TM7SF3: variants seen among roughly 807,000 people sequenced by gnomAD.
TM7SF3 encodes the protein transmembrane 7 superfamily member 3, also known as seven span transmembrane protein.
In TM7SF3, 60 loss-of-function variants were observed where a neutral mutation model predicts 65.5. The ratio of observed to expected loss-of-function variants is 0.92; its 90% CI spans 0.74 to 1.14. TM7SF3 has a LOEUF of 1.14. Among genes scored for constraint, TM7SF3 ranks in the 50% most tolerant of loss-of-function variants. TM7SF3 has a pLI of 0.00. For missense variants in TM7SF3, 623 were observed against 684.8 expected (o/e 0.91, Z 1.01); for synonymous variants, 264 against 259.6 (o/e 1.02, Z -0.16).
At chr12:26,999,747 G>T in intron 2 of TM7SF3, 71 bp from the exon 3 acceptor site, 1 of 1,481,216 alleles carries the variant, frequency 6.8e-7, no homozygotes, top group Non-Finnish European at 9.2e-7. Context: ...CTGATCCAGT[G>T]TGCATGTCCT....
rs141460177 is a variant in TM7SF3, at chr12:26,996,026, A to T, written c.519-618T>A. 3.3e-3 allele frequency among the ~76,000 whole-genome samples: 495 copies of T among 152,224 alleles called. 2 individuals carry two copies. The highest frequency in any genetic ancestry group is 5.8e-3 in the Non-Finnish European group (395 of 67,984). On this transcript the variant is annotated intron_variant, in intron 4 of 11. Transcript: ENST00000343028. ...TGGGGAGGCAAAAAAATTTTTTTTA[A>T]AAAAAAGCTGGGTGCAGTGGCTTAT...
intron 1 of TM7SF3, among the ~76,000 whole-genome samples, chr12:27,012,267 T>C (rs1231614788): frequency 6.6e-6 from 1 of 152,084 alleles, no homozygotes; most frequent in African/African-American, 2.4e-5. Flanking sequence ...GATCATTACA[T>C]TGTAGGGTGG....
At chr12:26,985,806 G>GTTTTTTTTTTTTT (rs149988617) in intron 6 of TM7SF3, among the ~76,000 whole-genome samples, 1 of 52,818 alleles carries the variant, frequency 1.9e-5, no homozygotes, top group Non-Finnish European at 3.1e-5. Flanking sequence ...TTTCTTTTTC[G>GTTTTTTTTTTTTT]TTTTTTTTTT....
intron 8 of TM7SF3, 43 bp from the exon 9 acceptor site, chr12:26,979,979 C>T: frequency 6.2e-7 from 1 of 1,611,842 alleles, no homozygotes; most frequent in Non-Finnish European, 8.5e-7. Context: ...ACCGGCAGTA[C>T]TTCCAACCGC....
At chr12:27,002,544 A>G (rs1940874336) in intron 2 of TM7SF3, among the ~76,000 whole-genome samples, 1 of 152,256 alleles carries the variant, frequency 6.6e-6, no homozygotes, top group Non-Finnish European at 1.5e-5. Flanking sequence ...AAAAAGAAGT[A>G]TAACTTCATA....
intron 1 of TM7SF3, among the ~76,000 whole-genome samples, chr12:27,006,802 A>G (rs1275550227): frequency 6.6e-6 from 1 of 152,248 alleles, no homozygotes; most frequent in African/African-American, 2.4e-5. Context: ...TACCATTTTA[A>G]AAGCTACAGA....
chr12:26,997,543 T>C (rs1168678368), intron 3 of TM7SF3, among the ~76,000 whole-genome samples: 1 of 152,202 alleles, frequency 6.6e-6, no homozygotes, highest in East Asian at 1.9e-4. Flanking sequence ...TGGTTTCTTA[T>C]CAGGTAATTA....
At chr12:27,006,390 G>T (rs1466039403) in intron 1 of TM7SF3, among the ~76,000 whole-genome samples, 1 of 151,742 alleles carries the variant, frequency 6.6e-6, no homozygotes, top group East Asian at 1.9e-4. Context: ...GCCCACCTGG[G>T]CCTCCCAAAG....
intron 9 of TM7SF3, among the ~76,000 whole-genome samples, chr12:26,976,651 G>A (rs1290102673): frequency 6.6e-6 from 1 of 152,190 alleles, no homozygotes; most frequent in Non-Finnish European, 1.5e-5. Context: ...CACTAGCTCT[G>A]TGAACTTGAG....
rs770209171 is a variant in TM7SF3 at position 26,984,477 on chromosome 12, C to T, written c.869-1618G>A. ...AAAAAAAAAACCCAGAAAGATTAAA[C>T]GAAAGATAAAAACACCACATTGTTT... On this transcript the variant is annotated intron_variant, in intron 6 of 11. Transcript: ENST00000343028. 2.2e-4 allele frequency among the ~76,000 whole-genome samples: 32 copies of T among 148,720 alleles called. No individual in the cohort carries two copies. The East Asian group carries it at 2.2e-3, about 10-fold the overall frequency.
At chr12:27,008,431 G>A (rs1941122686) in intron 1 of TM7SF3, among the ~76,000 whole-genome samples, 1 of 152,102 alleles carries the variant, frequency 6.6e-6, no homozygotes, top group Non-Finnish European at 1.5e-5. Flanking sequence ...ATAGATATGA[G>A]TATTCTGACA....
At chr12:26,979,708 T>G in intron 9 of TM7SF3, 76 bp downstream of exon 9, 1 of 1,523,740 alleles carries the variant, frequency 6.6e-7, no homozygotes, top group South Asian at 1.2e-5. Context: ...GCAACACCAC[T>G]CCAGGATGCA....
chr12:27,003,149 A>C, intron 2 of TM7SF3, 87 bp downstream of exon 2: 13 of 889,156 alleles, frequency 1.5e-5, no homozygotes, highest in Non-Finnish European at 1.9e-5. Context: ...TAAAAGAGAT[A>C]GAGATATCAA....
chr12:27,012,407 C>G (rs1265217471), intron 1 of TM7SF3, among the ~76,000 whole-genome samples: 2 of 152,124 alleles, frequency 1.3e-5, no homozygotes, highest in African/African-American at 4.8e-5. Context: ...GGCCTCAGTC[C>G]TATATACAAA....
At chr12:27,013,934 G>A (rs1466828789) in intron 1 of TM7SF3, 144 bp downstream of exon 1, 3 of 730,148 alleles carry the variant, frequency 4.1e-6, no homozygotes, top group Non-Finnish European at 7.5e-6. Flanking sequence ...CACCATTCGT[G>A]CCGGTTCTGG....
intron 1 of TM7SF3, among the ~76,000 whole-genome samples, chr12:27,010,371 G>C (rs913849074): frequency 1.3e-5 from 2 of 152,140 alleles, no homozygotes; most frequent in Non-Finnish European, 2.9e-5. Context: ...ACATGTACAG[G>C]GCATTCACAG....
chr12:26,992,662 T>C (rs1940422637), intron 5 of TM7SF3, among the ~76,000 whole-genome samples: 1 of 152,220 alleles, frequency 6.6e-6, no homozygotes, highest in South Asian at 2.1e-4. Context: ...ATGTTAGCTA[T>C]TACCCGTGTG....
At chr12:27,002,213 A>G (rs544213647) in intron 2 of TM7SF3, among the ~76,000 whole-genome samples, 4 of 152,178 alleles carry the variant, frequency 2.6e-5, no homozygotes, top group Non-Finnish European at 5.9e-5. Flanking sequence ...CTGCAATCCC[A>G]GCACTTTGGG....
At chr12:26,979,298 C>T (rs958013251) in intron 9 of TM7SF3, 1 of 152,570 alleles carries the variant, frequency 6.6e-6, no homozygotes, top group African/African-American at 2.4e-5. Context: ...ATTTTAAAAA[C>T]TGATAGCAAT....
Sources: allele counts gnomAD v4.1 joint callset (sites outside exome capture counted in the v4.1 genomes callset), GRCh38; gene constraint gnomAD v4.1.1; transcripts MANE v1.5; gene names NCBI Gene and HGNC (gene_info 2026-07-23, HGNC 2026-07-21).